The following WDR70 variants were observed in gnomAD, a reference collection of about 807,000 sequenced individuals.
The protein encoded by WDR70 is WD repeat domain 70.
WDR70 carries 53 observed loss-of-function variants against 88.6 expected under a neutral mutation model. The observed-to-expected ratio is 0.60, with a 90% CI of 0.48 to 0.75. The LOEUF (loss-of-function observed/expected upper bound fraction) is 0.75. Among genes scored for constraint, WDR70 ranks in the 30% least tolerant of loss-of-function variants. WDR70 has a pLI of 0.00. For missense variants in WDR70, 610 were observed against 823.2 expected (o/e 0.74, Z 3.17); for synonymous variants, 280 against 270.0 (o/e 1.04, Z -0.36).
intron 9 of WDR70, among the ~76,000 whole-genome samples, chr5:37,541,237 AC>A (rs1326104998): frequency 6.6e-6 from 1 of 152,180 alleles, no homozygotes. Flanking sequence ...AGAATTGATT[AC>A]TTTTGAAATG....
intron 9 of WDR70, among the ~76,000 whole-genome samples, chr5:37,534,890 A>C (rs1487488142): frequency 6.6e-6 from 1 of 152,092 alleles, no homozygotes; most frequent in East Asian, 1.9e-4. Flanking sequence ...GCCAGTAATA[A>C]ATTCAGATGG....
intron 7 of WDR70, among the ~76,000 whole-genome samples, chr5:37,453,310 A>G (rs1466146469): frequency 6.6e-6 from 1 of 152,244 alleles, no homozygotes; most frequent in Non-Finnish European, 1.5e-5. Context: ...ATTTACCCAC[A>G]TATTTATTAA....
intron 9 of WDR70, among the ~76,000 whole-genome samples, chr5:37,601,099 T>C (rs1213889122): frequency 6.6e-6 from 1 of 152,212 alleles, no homozygotes; most frequent in African/African-American, 2.4e-5. Flanking sequence ...CTTTTCTTGA[T>C]CTTGGTTTTA....
At chr5:37,423,217 G>A (rs1750002576) in intron 5 of WDR70, among the ~76,000 whole-genome samples, 1 of 152,052 alleles carries the variant, frequency 6.6e-6, no homozygotes, top group Non-Finnish European at 1.5e-5. Flanking sequence ...CTGAGGTTTG[G>A]TGTGGTTAAA....
At chr5:37,393,458 G>T (rs149615682) in intron 4 of WDR70, among the ~76,000 whole-genome samples, 348 of 152,104 alleles carry the variant, frequency 2.3e-3, no homozygotes, top group African/African-American at 8.2e-3. Context: ...ACATCATTAG[G>T]TTATTTGATG....
intron 13 of WDR70, among the ~76,000 whole-genome samples, chr5:37,712,075 C>T (rs1747529662): frequency 6.7e-6 from 1 of 149,912 alleles, no homozygotes; most frequent in Non-Finnish European, 1.5e-5. Flanking sequence ...TTACTGCAAC[C>T]TCTGCCACCT....
chr5:37,610,215 G>C (rs530580231), intron 10 of WDR70, among the ~76,000 whole-genome samples: 1 of 148,416 alleles, frequency 6.7e-6, no homozygotes, highest in Non-Finnish European at 1.5e-5. Context: ...GCAGTGAGCC[G>C]AGATTGTGCC....
At chr5:37,524,858 C>T (rs1002726783) in intron 9 of WDR70, among the ~76,000 whole-genome samples, 19 of 151,994 alleles carry the variant, frequency 1.3e-4, no homozygotes, top group Non-Finnish European at 2.4e-4. Flanking sequence ...GACATTAAAC[C>T]AACAAAGATC....
At chr5:37,531,587 CTT>C (rs149831770) in intron 9 of WDR70, among the ~76,000 whole-genome samples, 21 of 77,734 alleles carry the variant, frequency 2.7e-4, no homozygotes, top group African/African-American at 6.8e-4. Flanking sequence ...TAAAGTTTTT[CTT>C]TTTTTTTTTT....
chr5:37,617,354 A>G (rs181705730), intron 10 of WDR70, among the ~76,000 whole-genome samples: 133 of 152,332 alleles, frequency 8.7e-4, no homozygotes, highest in Non-Finnish European at 1.8e-3. Flanking sequence ...TGGTTGTACA[A>G]CTCTGTAAAT....
intron 5 of WDR70, among the ~76,000 whole-genome samples, chr5:37,399,573 G>A (rs915153417): frequency 6.6e-6 from 1 of 152,086 alleles, no homozygotes; most frequent in African/African-American, 2.4e-5. Context: ...GAATGCTTTT[G>A]GTGAAAACAA....
intron 8 of WDR70, among the ~76,000 whole-genome samples, chr5:37,496,859 A>G (rs1014124420): frequency 1.3e-5 from 2 of 152,182 alleles, no homozygotes. Context: ...TAAGCAGGCT[A>G]TGCATTGGAT....
chr5:37,687,245 C>T (rs959009312), intron 10 of WDR70, among the ~76,000 whole-genome samples: 4 of 152,038 alleles, frequency 2.6e-5, no homozygotes, highest in Non-Finnish European at 5.9e-5. Flanking sequence ...ACTTTTGTTT[C>T]TGGTTAAGGT....
intron 3 of WDR70, among the ~76,000 whole-genome samples, chr5:37,391,599 C>T (rs938357605): frequency 1.3e-5 from 2 of 152,214 alleles, no homozygotes; most frequent in Non-Finnish European, 2.9e-5. Context: ...GCAGAATCTC[C>T]TTCCTTTTTG....
intron 7 of WDR70, among the ~76,000 whole-genome samples, chr5:37,465,747 A>C (rs1270046186): frequency 1.3e-5 from 2 of 149,730 alleles, no homozygotes; most frequent in African/African-American, 4.9e-5. Context: ...CAACAGCCTA[A>C]GATTTTGTTT....
At chr5:37,446,327 A>G (rs935042700) in intron 7 of WDR70, among the ~76,000 whole-genome samples, 2 of 152,156 alleles carry the variant, frequency 1.3e-5, no homozygotes, top group Non-Finnish European at 2.9e-5. Context: ...ATGCTCATGG[A>G]TAGGAAGAAT....
intron 3 of WDR70, among the ~76,000 whole-genome samples, chr5:37,389,737 C>CT (rs1379128816): frequency 7.9e-5 from 12 of 152,038 alleles, no homozygotes; most frequent in South Asian, 2.1e-4. Flanking sequence ...CTGGACACTG[C>CT]TTTTTTTTAA....
intron 9 of WDR70, among the ~76,000 whole-genome samples, chr5:37,575,221 A>G (rs905974070): frequency 1.3e-5 from 2 of 152,218 alleles, no homozygotes; most frequent in African/African-American, 4.8e-5. Flanking sequence ...TTGCTGTGAC[A>G]TCATAAAAAA....
intron 14 of WDR70, chr5:37,722,650 A>C (rs1747855685): frequency 1.8e-6 from 1 of 566,284 alleles, no homozygotes; most frequent in Non-Finnish European, 3.2e-6. Flanking sequence ...CTTGTTAATA[A>C]CCACTGACTG....
Sources: allele counts gnomAD v4.1 joint callset (sites outside exome capture counted in the v4.1 genomes callset), GRCh38; gene constraint gnomAD v4.1.1; transcripts MANE v1.5; gene names NCBI Gene and HGNC (gene_info 2026-07-23, HGNC 2026-07-21).